ZNF521: variants seen among roughly 807,000 people sequenced by gnomAD.
ZNF521 encodes the protein LYST-interacting protein 3.
In ZNF521, 14 loss-of-function variants were observed where a neutral mutation model predicts 105.5. The observed-to-expected ratio is 0.13, with a 90% CI of 0.09 to 0.21. The LOEUF is 0.21. ZNF521 is among the 10% of genes least tolerant of loss of function. The probability of loss-of-function intolerance (pLI) is 1.00; values close to 1 mark genes in which losing one functional copy is unlikely to be tolerated. For synonymous variants in ZNF521, 635 were observed against 606.0 expected (o/e 1.05, Z -0.70); for missense variants, 1,233 against 1,629.7 (o/e 0.76, Z 4.19).
intron 4 of ZNF521, among the ~76,000 whole-genome samples, chr18:25,209,000 T>C (rs924083559): frequency 3.9e-5 from 6 of 152,368 alleles, no homozygotes; most frequent in Admixed American, 3.9e-4. Context: ...TATCTTAAAA[T>C]GAATATGTTA....
At chr18:25,134,310 G>A (rs765175514) in intron 5 of ZNF521, among the ~76,000 whole-genome samples, 6 of 152,240 alleles carry the variant, frequency 3.9e-5, no homozygotes, top group East Asian at 3.9e-4. Context: ...ATGTAATGGC[G>A]CTGCAGTCAC....
intron 7 of ZNF521, among the ~76,000 whole-genome samples, chr18:25,087,762 T>G (rs1490514621): frequency 6.6e-6 from 1 of 152,218 alleles, no homozygotes; most frequent in Admixed American, 6.5e-5. Context: ...ATTCAATTCA[T>G]GAACACATGT....
intron 4 of ZNF521, among the ~76,000 whole-genome samples, chr18:25,221,583 G>A (rs1396734895): frequency 6.6e-6 from 1 of 152,106 alleles, no homozygotes. Context: ...AAGAAGAAGA[G>A]ATGAAAATAC....
intron 2 of ZNF521, among the ~76,000 whole-genome samples, chr18:25,342,002 G>C (rs1019970353): frequency 6.6e-6 from 1 of 152,148 alleles, no homozygotes; most frequent in African/African-American, 2.4e-5. Context: ...TCATTTTAGT[G>C]ACAGAAAGTC....
chr18:25,141,864 A>G (rs1360847726), intron 5 of ZNF521, among the ~76,000 whole-genome samples: 1 of 152,134 alleles, frequency 6.6e-6, no homozygotes, highest in African/African-American at 2.4e-5. Context: ...ACATCACCAT[A>G]CGACTGTCGG....
intron 7 of ZNF521, among the ~76,000 whole-genome samples, chr18:25,079,768 T>A (rs915343671): frequency 6.6e-6 from 1 of 152,184 alleles, no homozygotes; most frequent in Non-Finnish European, 1.5e-5. Flanking sequence ...GAATTATAAC[T>A]GAGTATGGGA....
In ZNF521 at chr18:25,226,265, A is replaced by G; in HGVS notation, c.1653T>C (p.Thr551=). ...AGACTTCTACTACTGGTTCTTTGGG[A>G]GTCCCAAGCACTGGAGACCCAAATC... ...GSRFGSPVLG[T]PKEPVVEVYS... The change falls in exon 4 of 8, where the codon ACT becomes ACC. Residue 551 remains threonine, a synonymous_variant. Transcript: ENST00000361524. The surrounding 1 kb of genome is among the most constrained non-coding windows in gnomAD (Gnocchi z 4.1). 1 of 1,614,188 alleles carries G rather than the reference A, an allele frequency of 6.2e-7. No individual in the cohort carries two copies.
chr18:25,341,605 T>G (rs955744690), intron 2 of ZNF521, among the ~76,000 whole-genome samples: 4 of 152,208 alleles, frequency 2.6e-5, no homozygotes, highest in African/African-American at 9.7e-5. Flanking sequence ...CATATTTCCC[T>G]TTAGATTATA....
intron 5 of ZNF521, among the ~76,000 whole-genome samples, chr18:25,131,326 C>T (rs1047757287): frequency 6.6e-6 from 1 of 152,166 alleles, no homozygotes; most frequent in African/African-American, 2.4e-5. Flanking sequence ...TCTCTGTCCA[C>T]CCTGGATCAT....
chr18:25,323,626 T>A (rs960747453), intron 2 of ZNF521, among the ~76,000 whole-genome samples: 2 of 152,122 alleles, frequency 1.3e-5, no homozygotes, highest in African/African-American at 2.4e-5. Flanking sequence ...TTTAGATATT[T>A]CATTAAATGT....
rs1329046162 is a variant in ZNF521 at position 25,352,024 on chromosome 18, GCTGTCGCTCCGGTAGTCCA to G, written c.-40_-22del. On this transcript the variant is annotated 5_prime_UTR_variant, in exon 1 of 8. Coordinates refer to ENST00000361524, the MANE Select transcript of ZNF521 (RefSeq NM_015461.3). ...ACAAACCTGCAAGGTCTTGGACTGC[GCTGTCGCTCCGGTAGTCCA>G]CATAATAATGGAAAATGGAAGCAAG... 1 of 477,190 alleles carries G rather than the reference GCTGTCGCTCCGGTAGTCCA, an allele frequency of 2.1e-6. No homozygotes were observed. Among genetic ancestry groups the G allele is most frequent in the Non-Finnish European group, 4.2e-6 (1 of 235,798 alleles). 29.6% of individuals were successfully genotyped at this position (477,190 alleles called of 1,614,324 possible).
chr18:25,328,259 G>A (rs1228699496), intron 2 of ZNF521, among the ~76,000 whole-genome samples: 3 of 152,038 alleles, frequency 2.0e-5, no homozygotes, highest in Non-Finnish European at 4.4e-5. Context: ...GGTCTATCAC[G>A]GTCCTTGAAG....
intron 5 of ZNF521, among the ~76,000 whole-genome samples, chr18:25,110,684 T>TAAAAA (rs200568619): frequency 2.1e-4 from 30 of 142,758 alleles, no homozygotes; most frequent in African/African-American, 7.3e-4. Context: ...AGCCCAAAAG[T>TAAAAA]AAAAAAAAAA....
At chr18:25,072,704 T>C (rs749188351) in intron 7 of ZNF521, among the ~76,000 whole-genome samples, 12 of 151,932 alleles carry the variant, frequency 7.9e-5, no homozygotes, top group Non-Finnish European at 1.5e-4. Context: ...CCAGCACCAG[T>C]GAGAGGGAGA....
intron 4 of ZNF521, among the ~76,000 whole-genome samples, chr18:25,220,187 G>T (rs1343111011): frequency 1.3e-5 from 2 of 152,192 alleles, no homozygotes; most frequent in African/African-American, 2.4e-5. Flanking sequence ...GAAGACAGAG[G>T]CCCCATAAAA....
chr18:25,310,202 T>A (rs1912219898), intron 3 of ZNF521, among the ~76,000 whole-genome samples: 1 of 152,130 alleles, frequency 6.6e-6, no homozygotes, highest in African/African-American at 2.4e-5. Flanking sequence ...TAAACTGACA[T>A]TAAAATCAGC....
intron 3 of ZNF521, among the ~76,000 whole-genome samples, chr18:25,266,052 G>A (rs1435187228): frequency 6.6e-6 from 1 of 152,118 alleles, no homozygotes; most frequent in African/African-American, 2.4e-5. Flanking sequence ...AAGTAGTAGG[G>A]GTCTGGGGGA....
intron 5 of ZNF521, among the ~76,000 whole-genome samples, chr18:25,099,177 CAATA>C (rs1347024321): frequency 1.6e-4 from 24 of 152,218 alleles, no homozygotes; most frequent in Admixed American, 3.9e-4. Context: ...AGCTGGAACT[CAATA>C]AATATTTATT....
At chr18:25,344,169 A>C (rs2145217216) in intron 2 of ZNF521, among the ~76,000 whole-genome samples, 1 of 151,130 alleles carries the variant, frequency 6.6e-6, no homozygotes, top group South Asian at 2.1e-4. Context: ...GATGCATGCT[A>C]AAAGCCCAAG....
Sources: gnomAD v4.1 joint callset for allele counts (sites outside exome capture counted in the v4.1 genomes callset) on GRCh38, gnomAD v4.1.1 for gene constraint, Gnocchi (gnomAD v3.1) non-coding constraint, MANE v1.5 for transcripts, NCBI Gene and HGNC (gene_info 2026-07-23, HGNC 2026-07-21) for gene names.